UBR1: variants seen among roughly 807,000 people sequenced by gnomAD.
The protein encoded by UBR1 is ubiquitin protein ligase E3 component n-recognin 1, also known as E3 ubiquitin-protein ligase UBR1.
In UBR1, 102 loss-of-function variants were observed where a neutral mutation model predicts 242.1. The ratio of observed to expected loss-of-function variants is 0.42; its 90% confidence interval spans 0.36 to 0.50. UBR1 has a LOEUF of 0.50. Among genes scored for constraint, UBR1 ranks in the 20% least tolerant of loss-of-function variants. UBR1 has a pLI of 0.01. For missense variants in UBR1, 1,772 were observed against 2,101.8 expected (o/e 0.84, Z 3.07); for synonymous variants, 675 against 684.8 (o/e 0.99, Z 0.22).
At chr15:42,970,490 A>G in intron 40 of UBR1, 30 bp downstream of exon 40, 3 of 1,591,460 alleles carry the variant, frequency 1.9e-6, no homozygotes, top group East Asian at 4.5e-5. Flanking sequence ...GAATTATTAC[A>G]ATAGACTGAA....
At chr15:43,014,760 C>T (rs867392786) in intron 29 of UBR1, among the ~76,000 whole-genome samples, 7 of 105,658 alleles carry the variant, frequency 6.6e-5, no homozygotes, top group Non-Finnish European at 1.1e-4. Flanking sequence ...CGTCTCCGCC[C>T]GGCAGCCACC....
At chr15:43,104,757 T>C (rs2034276993) in intron 1 of UBR1, among the ~76,000 whole-genome samples, 1 of 150,380 alleles carries the variant, frequency 6.6e-6, no homozygotes, top group African/African-American at 2.4e-5. Flanking sequence ...CCCAGCACTT[T>C]GGGATGCCGA....
chr15:43,095,451 G>A (rs1237838095), intron 1 of UBR1, among the ~76,000 whole-genome samples: 1 of 151,554 alleles, frequency 6.6e-6, no homozygotes, highest in Non-Finnish European at 1.5e-5. Flanking sequence ...TTAGGAAAGT[G>A]CACTAACTCT....
At chr15:43,059,539 T>G (rs957117665) in intron 8 of UBR1, among the ~76,000 whole-genome samples, 163 bp downstream of exon 8, 1 of 147,490 alleles carries the variant, frequency 6.8e-6, no homozygotes, top group African/African-American at 2.5e-5. Context: ...TATCCTAAGA[T>G]ATTATACATT....
At chr15:43,009,150 C>G (rs1288387828) in intron 29 of UBR1, among the ~76,000 whole-genome samples, 1 of 152,216 alleles carries the variant, frequency 6.6e-6, no homozygotes, top group African/African-American at 2.4e-5. Context: ...GAGCTGTGGT[C>G]CTTTGGGGAG....
At chr15:43,084,252 C>A (rs1162209630) in intron 2 of UBR1, among the ~76,000 whole-genome samples, 1 of 152,020 alleles carries the variant, frequency 6.6e-6, no homozygotes, top group Non-Finnish European at 1.5e-5. Context: ...TAGCAGGAAT[C>A]TTGGCCTCTA....
chr15:43,014,078 T>G lies in UBR1; in HGVS notation c.3209+1610A>C, dbSNP rs1447070269. On this transcript the variant is annotated intron_variant, in intron 29 of 46. Coordinates refer to ENST00000290650, the MANE Select transcript of UBR1 (RefSeq NM_174916.3). Reference sequence around the variant, plus strand: ...CGTATTTTTTTGGTGGAGACAGGGTTTCGCTGTGTTGGCCGGGCTGGTCTC... The same window carrying G: ...CGTATTTTTTTGGTGGAGACAGGGTGTCGCTGTGTTGGCCGGGCTGGTCTC... Among the ~76,000 whole-genome samples, 153 of 152,254 alleles carry G rather than the reference T, an allele frequency of 1.0e-3. 1 individual carries two copies. Among genetic ancestry groups the G allele is most frequent in the Non-Finnish European group, 2.8e-4 (19 of 68,050 alleles).
intron 23 of UBR1, 71 bp downstream of exon 23, chr15:43,026,490 G>C: frequency 7.2e-7 from 1 of 1,380,684 alleles, no homozygotes; most frequent in Non-Finnish European, 1.0e-6. Flanking sequence ...AGAAAAAGCA[G>C]AAAATTTTCT....
rs182299939 is a variant in UBR1 at position 43,030,801 on chromosome 15, T to C, written c.2255-733A>G. Among the ~76,000 whole-genome samples, 17 of 152,342 alleles carry C rather than the reference T, an allele frequency of 1.1e-4. No homozygotes were observed. The East Asian group carries it at 3.3e-3, about 29-fold the overall frequency. Reference sequence around the variant, plus strand: ...ACTACAGTATCTGTATGAAGTCCTATGATATCTATAAGAGGGTTACAAAGA... The same window carrying C: ...ACTACAGTATCTGTATGAAGTCCTACGATATCTATAAGAGGGTTACAAAGA... On this transcript the variant is annotated intron_variant, in intron 20 of 46. Transcript: ENST00000290650.
intron 29 of UBR1, among the ~76,000 whole-genome samples, chr15:43,008,019 T>C (rs945826001): frequency 2.6e-5 from 4 of 152,244 alleles, no homozygotes; most frequent in East Asian, 1.9e-4. Context: ...ATTTAAATAA[T>C]AGCAAATATT....
chr15:43,082,149 T>C (rs912206397), intron 3 of UBR1, among the ~76,000 whole-genome samples: 10 of 152,202 alleles, frequency 6.6e-5, no homozygotes, highest in Non-Finnish European at 1.3e-4. Context: ...ATAGCTCATT[T>C]TTCTCATTTA....
chr15:42,999,639 G>A (rs943182694), intron 32 of UBR1, among the ~76,000 whole-genome samples: 1 of 151,948 alleles, frequency 6.6e-6, no homozygotes, highest in Non-Finnish European at 1.5e-5. Context: ...AACAGCCTGG[G>A]AAACATAGTG....
intron 40 of UBR1, among the ~76,000 whole-genome samples, chr15:42,968,533 G>GATTATT (rs112426585): frequency 9.3e-5 from 14 of 151,200 alleles, no homozygotes; most frequent in African/African-American, 3.2e-4. Flanking sequence ...CTTCATAACT[G>GATTATT]ATTATTATTA....
chr15:43,016,866 C>T (rs1051050720), intron 28 of UBR1, among the ~76,000 whole-genome samples: 4 of 152,154 alleles, frequency 2.6e-5, no homozygotes, highest in Admixed American at 2.6e-4. Flanking sequence ...CAGAGCTCTA[C>T]GATATATCAA....
chr15:42,964,569 A>T (rs2141258048), intron 41 of UBR1, among the ~76,000 whole-genome samples: 1 of 152,326 alleles, frequency 6.6e-6, no homozygotes, highest in South Asian at 2.1e-4. Flanking sequence ...CACTCTCCTG[A>T]TCGGATGGCT....
chr15:43,104,759 G>A (rs1396817230), intron 1 of UBR1, among the ~76,000 whole-genome samples: 1 of 150,686 alleles, frequency 6.6e-6, no homozygotes, highest in African/African-American at 2.4e-5. Flanking sequence ...CAGCACTTTG[G>A]GATGCCGAGG....
intron 40 of UBR1, 71 bp from the exon 41 acceptor site, chr15:42,966,357 C>T: frequency 1.9e-6 from 3 of 1,574,604 alleles, no homozygotes; most frequent in Non-Finnish European, 2.6e-6. Flanking sequence ...AACATATCCC[C>T]CTTTTCAAAT....
chr15:43,007,221 A>T lies in UBR1; in HGVS notation c.3273T>A (p.Thr1091=). The T allele has an allele frequency of 6.2e-7, 1 of 1,614,158 alleles. No individual in the cohort carries two copies. The highest frequency in any genetic ancestry group is 8.5e-7 in the Non-Finnish European group (1 of 1,180,032). ...ALGPKRGPSV[T]EKEVLTCILC... is the part of the protein sequence containing the mutation. ...GGATGCACGTCAGCACCTCCTTTTC[A>T]GTAACAGATGGACCCCGTTTAGGAC... Residue 1091 remains threonine (T), a synonymous_variant, in exon 30 of 47, where the codon ACT becomes ACA. Coordinates refer to ENST00000290650, the MANE Select transcript of UBR1 (RefSeq NM_174916.3).
chr15:43,105,115 ATGC>A (rs1416785484), intron 1 of UBR1, among the ~76,000 whole-genome samples: 2 of 152,210 alleles, frequency 1.3e-5, no homozygotes, highest in African/African-American at 2.4e-5. Flanking sequence ...AAATCTCTAA[ATGC>A]TGCTATTTAG....
Sources: gnomAD v4.1 joint callset for allele counts (sites outside exome capture counted in the v4.1 genomes callset) on GRCh38, gnomAD v4.1.1 for gene constraint, MANE v1.5 for transcripts, NCBI Gene and HGNC (gene_info 2026-07-23, HGNC 2026-07-21) for gene names.